Variants in LIMK1 observed in about 807,000 individuals in gnomAD.
LIMK1 encodes LIM motif-containing protein kinase.
Under a neutral mutation model 77.6 loss-of-function variants are expected in LIMK1, and 21 were observed. The observed-to-expected ratio is 0.27, with a 90% CI of 0.19 to 0.39. LIMK1 has a LOEUF of 0.39. Ranked by LOEUF, LIMK1 falls within the 10% of genes least tolerant of loss-of-function variation. The probability of loss-of-function intolerance (pLI) is 1.00; values close to 1 mark genes in which losing one functional copy is unlikely to be tolerated. For synonymous variants in LIMK1, 358 were observed against 370.0 expected (o/e 0.97, Z 0.37); for missense variants, 696 against 901.6 (o/e 0.77, Z 2.92).
At chr7:74,116,027 C>A in intron 13 of LIMK1, 69 bp downstream of exon 13, 1 of 1,517,774 alleles carries the variant, frequency 6.6e-7, no homozygotes, top group Non-Finnish European at 9.0e-7. Context: ...AGAGCTGTAA[C>A]CTCCCAAGCC....
chr7:74,120,814 C>A, intron 14 of LIMK1, 78 bp from the exon 15 acceptor site: 1 of 1,594,282 alleles, frequency 6.3e-7, no homozygotes, highest in Non-Finnish European at 8.6e-7. Context: ...TGCCACCTGC[C>A]CTCAAACCAC....
At chr7:74,085,482 G>A (rs1428177775) in intron 1 of LIMK1, among the ~76,000 whole-genome samples, 2 of 152,242 alleles carry the variant, frequency 1.3e-5, no homozygotes, top group Non-Finnish European at 2.9e-5. Context: ...TATAGCGGGA[G>A]GATGGACCTG....
chr7:74,120,900 G>T lies in LIMK1; in HGVS notation c.1632G>T (p.Gly544=), dbSNP rs1554700428. ...GGCCTTGTACTGGACAGATCATCGGGCGGGTGAACGCAGACCCTGACTACC... is the reference window on the plus strand; with the variant it reads ...GGCCTTGTACTGGACAGATCATCGGTCGGGTGAACGCAGACCCTGACTACC... The part of the protein sequence containing the change: ...SFGIVLCEII[G]RVNADPDYLP... Residue 544 remains glycine, a synonymous_variant, in exon 15 of 16, where the codon GGG becomes GGT. Coordinates refer to ENST00000336180, the MANE Select transcript of LIMK1 (RefSeq NM_002314.4). 1 of 1,614,142 alleles carries T rather than the reference G, an allele frequency of 6.2e-7. No individual in the cohort carries two copies.
chr7:74,093,538 T>G (rs1040743750), intron 2 of LIMK1, among the ~76,000 whole-genome samples: 3 of 152,180 alleles, frequency 2.0e-5, no homozygotes, highest in Non-Finnish European at 2.9e-5. Context: ...TGGCCAGGGA[T>G]GTGGCCCTGG....
intron 8 of LIMK1, 73 bp downstream of exon 8, chr7:74,107,266 G>A: frequency 6.8e-7 from 1 of 1,468,914 alleles, no homozygotes; most frequent in Admixed American, 2.0e-5. Flanking sequence ...CCCAGTCTAT[G>A]GAAACACAGT....
intron 9 of LIMK1, 97 bp from the exon 10 acceptor site, chr7:74,108,808 C>T (rs373209951): frequency 5.5e-5 from 84 of 1,521,484 alleles, no homozygotes; most frequent in East Asian, 1.6e-4. Context: ...TCTTTGAGAC[C>T]GCCTACAGCC....
At chr7:74,093,172 G>A (rs928180348) in intron 2 of LIMK1, 41 of 1,522,472 alleles carry the variant, frequency 2.7e-5, no homozygotes, top group Middle Eastern at 1.7e-4. Context: ...GAGCCCCTGA[G>A]GGAGGATGGG....
intron 5 of LIMK1, among the ~76,000 whole-genome samples, 176 bp downstream of exon 5, chr7:74,099,414 A>G (rs554504358): frequency 8.2e-4 from 125 of 152,186 alleles, no homozygotes; most frequent in Non-Finnish European, 1.4e-3. Context: ...TCTGAATACC[A>G]TTACAAATGC....
At chr7:74,120,261 A>G (rs1327236517) in intron 13 of LIMK1, among the ~76,000 whole-genome samples, 1 of 152,216 alleles carries the variant, frequency 6.6e-6, no homozygotes, top group Admixed American at 6.6e-5. Flanking sequence ...TAACATTCAC[A>G]GATTCCAGAG....
chr7:74,103,249 CTTTT>C (rs1233300842), intron 5 of LIMK1, among the ~76,000 whole-genome samples: 1 of 135,392 alleles, frequency 7.4e-6, no homozygotes. Flanking sequence ...AATGTTTTTC[CTTTT>C]TTTTTTTTTT....
chr7:74,097,968 C>G (rs527882629), intron 4 of LIMK1, among the ~76,000 whole-genome samples: 1 of 152,190 alleles, frequency 6.6e-6, no homozygotes, highest in East Asian at 1.9e-4. Context: ...TTATGAAGGA[C>G]ACAGCTCAGG....
At chr7:74,104,745 C>T (rs1799532938) in intron 5 of LIMK1, among the ~76,000 whole-genome samples, 1 of 152,182 alleles carries the variant, frequency 6.6e-6, no homozygotes, top group South Asian at 2.1e-4. Context: ...GATCGAGGGT[C>T]TCTTTCCCGT....
intron 2 of LIMK1, chr7:74,093,236 T>C (rs1042405555): frequency 2.6e-6 from 4 of 1,535,754 alleles, no homozygotes; most frequent in Non-Finnish European, 3.5e-6. Context: ...GAGCCCCCAG[T>C]GTAGCCACAG....
intron 5 of LIMK1, among the ~76,000 whole-genome samples, chr7:74,100,035 C>T (rs1799423241): frequency 6.6e-6 from 1 of 151,814 alleles, no homozygotes; most frequent in Non-Finnish European, 1.5e-5. Flanking sequence ...TGGTTGCTCA[C>T]ACTTATAATC....
At chr7:74,087,003 A>G (rs539223658) in intron 2 of LIMK1, among the ~76,000 whole-genome samples, 24 of 152,306 alleles carry the variant, frequency 1.6e-4, no homozygotes, top group South Asian at 4.1e-4. Context: ...CCTGAAGGTC[A>G]CCCAGTAGGA....
Position 74,083,958 on chromosome 7 carries a change from CAG to C in LIMK1, c.-32_-31del. 8.9e-7 allele frequency: 1 copy of C among 1,127,162 alleles called. No homozygotes were observed. The highest frequency in any genetic ancestry group is 1.2e-6 in the Non-Finnish European group (1 of 864,670). 69.8% of individuals were successfully genotyped at this position (1,127,162 alleles called of 1,614,324 possible). Reference sequence around the variant, plus strand: ...TCGCGGGCCCGGCCGCCCCCAGCCCCAGCCCCGCCGGGCCCCGCCCCCCGTCG... The same window carrying C: ...TCGCGGGCCCGGCCGCCCCCAGCCCCCCCCGCCGGGCCCCGCCCCCCGTCG... On this transcript the variant is annotated 5_prime_UTR_variant, in exon 1 of 16. Transcript: ENST00000336180.
chr7:74,095,383 C>T (rs1231345211), intron 2 of LIMK1, among the ~76,000 whole-genome samples: 3 of 152,162 alleles, frequency 2.0e-5, no homozygotes, highest in South Asian at 2.1e-4. Context: ...TGTGTGCCTG[C>T]GGGTTCACTG....
rs1455221289 is a variant in LIMK1 at position 74,092,953 on chromosome 7, G to C, written c.153-3669G>C. The stretch of plus-strand genomic sequence containing the variant: ...CTGAGGAGCCTACAGCGTGTGTTCA[G>C]GACTGAGGGCCAGGGACGGGCCACA... On this transcript the variant is annotated intron_variant, in intron 2 of 15. Transcript: ENST00000336180. 6 of 458,718 alleles carry C rather than the reference G, an allele frequency of 1.3e-5. No homozygotes were observed. The East Asian group carries it at 2.0e-4, about 15-fold the overall frequency. The allele number at this position is 458,718 out of a possible 1,614,324, so 28.4% of individuals were successfully genotyped here. A position where few individuals can be genotyped will look rare whatever the true frequency, so the allele number is the denominator to read the frequency against.
chr7:74,118,024 C>A (rs1207496086), intron 13 of LIMK1, among the ~76,000 whole-genome samples: 1 of 148,424 alleles, frequency 6.7e-6, no homozygotes, highest in African/African-American at 2.5e-5. Flanking sequence ...AACCCAGGAG[C>A]AGAGGTTACA....
Sources: allele counts gnomAD v4.1 joint callset (sites outside exome capture counted in the v4.1 genomes callset), GRCh38; gene constraint gnomAD v4.1.1; transcripts MANE v1.5; gene names NCBI Gene and HGNC (gene_info 2026-07-23, HGNC 2026-07-21).